The following RORC variants were observed in gnomAD, a reference collection of about 807,000 sequenced individuals.
The protein encoded by RORC is nuclear receptor ROR-gamma.
In RORC, 13 loss-of-function variants were observed where a neutral mutation model predicts 64.5. That is an observed-to-expected ratio of 0.20 (90% CI 0.13 to 0.32). The LOEUF is 0.32. Ranked by LOEUF, RORC falls within the 10% of genes least tolerant of loss-of-function variation. The pLI is 1.00. For missense variants in RORC, 468 were observed against 669.5 expected (o/e 0.70, Z 3.32); for synonymous variants, 277 against 259.3 (o/e 1.07, Z -0.65).
At chr1:151,819,338 G>A (rs963590210) in intron 2 of RORC, among the ~76,000 whole-genome samples, 2 of 152,170 alleles carry the variant, frequency 1.3e-5, no homozygotes, top group African/African-American at 4.8e-5. Context: ...AGAGAGTAAT[G>A]AAATGATATC....
chr1:151,809,150 A>G (rs552230487), intron 10 of RORC, among the ~76,000 whole-genome samples: 3 of 152,182 alleles, frequency 2.0e-5, no homozygotes, highest in Admixed American at 2.0e-4. Flanking sequence ...TGTAATCCCA[A>G]CACTTTGGGA....
intron 2 of RORC, among the ~76,000 whole-genome samples, chr1:151,828,852 G>A (rs573945686): frequency 3.1e-4 from 47 of 152,220 alleles, no homozygotes; most frequent in African/African-American, 1.1e-3. Flanking sequence ...GGTGGTGGGT[G>A]CCTGTAGTCC....
Position 151,814,767 on chromosome 1 carries a change from C to T in RORC, c.812-72G>A, listed in dbSNP as rs959535167. The T allele has an allele frequency of 6.4e-6, 10 of 1,565,610 alleles. No individual in the cohort carries two copies. In the African/African-American group the frequency reaches 1.3e-4, roughly 21 times the overall value. On this transcript the variant is annotated intron_variant, in intron 5 of 10. Coordinates refer to ENST00000318247, the MANE Select transcript of RORC (RefSeq NM_005060.4). ...CGCCTACCCATGCAAGGGCACTTCTCAGCCTGGCCTATCCTGCTCCGCCTC... is the reference window on the plus strand; with the variant it reads ...CGCCTACCCATGCAAGGGCACTTCTTAGCCTGGCCTATCCTGCTCCGCCTC...
chr1:151,816,789 C>T lies in RORC; in HGVS notation c.173G>A (p.Ser58Asn). ...GGAGTAGGCCGCGTTACAGCGCTGG[C>T]TCCGGCGGAAGAAGCCCTGGGGAAA... Reference protein sequence around the residue: ...CEGCKGFFRRSQRCNAAYSCT... With the variant: ...CEGCKGFFRRNQRCNAAYSCT... The change falls in exon 4 of 11, where the codon AGC becomes AAC. Residue 58 changes from serine (S) to asparagine (N), a missense_variant. Ser to Asn is a conservative substitution (Grantham distance 46, BLOSUM62 1). This residue lies in a region of RORC where 241 missense variants were observed against 295.5 expected (regional missense o/e 0.82). Transcript: ENST00000318247. 6.5e-7 allele frequency: 1 copy of T among 1,548,218 alleles called. No homozygotes were observed. Among genetic ancestry groups the T allele is most frequent in the Non-Finnish European group, 8.8e-7 (1 of 1,141,624 alleles).
chr1:151,825,827 C>T lies in RORC; in HGVS notation c.70+3602G>A, dbSNP rs925881610. The T allele has an allele frequency of 2.8e-6, 4 of 1,419,136 alleles. No homozygotes were observed. The African/African-American group carries it at 4.2e-5, about 15-fold the overall frequency. 87.9% of individuals were successfully genotyped at this position (1,419,136 alleles called of 1,614,324 possible). On this transcript the variant is annotated intron_variant, in intron 2 of 10. Coordinates refer to ENST00000318247, the MANE Select transcript of RORC (RefSeq NM_005060.4). ...TTGACCTTGACCAGGACGCACCCTG[C>T]TTTGCTCAGATTTGCTCACACTGTT...
Position 151,814,900 on chromosome 1 carries a change from CCCAGCTGCTCA to C in RORC, c.811+2_811+12del. The C allele has an allele frequency of 6.2e-7, 1 of 1,607,826 alleles. No homozygotes were observed. The highest frequency in any genetic ancestry group is 8.5e-7 in the Non-Finnish European group (1 of 1,175,844). On this transcript the variant is annotated splice_donor_variant and splice_donor_5th_base_variant and intron_variant, in intron 5 of 10. Coordinates refer to ENST00000318247, the MANE Select transcript of RORC (RefSeq NM_005060.4). LOFTEE classifies it high-confidence loss of function. The stretch of plus-strand genomic sequence containing the variant: ...TCATCTCTACCACCCTCTCCACCTC[CCCAGCTGCTCA>C]CCTATCTCTGTCAGGGAGGCATAGG...
At position 151,817,300 on chromosome 1, in the gene RORC, G is replaced by C. The variant is rs922987721; in HGVS notation, c.71-20C>G. On this transcript the variant is annotated intron_variant, in intron 2 of 10. Coordinates refer to ENST00000318247, the MANE Select transcript of RORC (RefSeq NM_005060.4). ...TTTGTGCTGGAAGAGAGAAAGAGAA[G>C]TAGGTCAGCCCAGGAGGCTTTTCTG... The C allele has an allele frequency of 1.3e-6, 2 of 1,593,112 alleles. No individual in the cohort carries two copies. Among genetic ancestry groups the C allele is most frequent in the Admixed American group, 1.7e-5 (1 of 59,980 alleles).
intron 10 of RORC, among the ~76,000 whole-genome samples, chr1:151,811,111 C>T (rs1353844150): frequency 6.6e-6 from 1 of 152,096 alleles, no homozygotes; most frequent in Non-Finnish European, 1.5e-5. Context: ...CCCTGGAGGT[C>T]CCTCCCAATC....
intron 2 of RORC, chr1:151,825,957 G>A (rs199545313): frequency 6.2e-7 from 1 of 1,613,112 alleles, no homozygotes; most frequent in African/African-American, 1.3e-5. Context: ...TGGCTCTGCC[G>A]GCCTTGGCTC....
intron 10 of RORC, among the ~76,000 whole-genome samples, chr1:151,809,709 T>C (rs1264313094): frequency 6.6e-6 from 1 of 152,242 alleles, no homozygotes; most frequent in African/African-American, 2.4e-5. Context: ...ATCCATCCTG[T>C]AGCAGATTAA....
chr1:151,826,855 C>A (rs1389869742), intron 2 of RORC, among the ~76,000 whole-genome samples: 1 of 152,196 alleles, frequency 6.6e-6, no homozygotes, highest in Non-Finnish European at 1.5e-5. Context: ...CAGTGGCTCA[C>A]GCCTGTAATC....
chr1:151,814,282 G>A, intron 6 of RORC: 3 of 325,054 alleles, frequency 9.2e-6, no homozygotes, highest in East Asian at 5.6e-5. Context: ...TATTGTTGAT[G>A]GAAGAGGAGG....
At chr1:151,826,334 G>C (rs1299738220) in intron 2 of RORC, among the ~76,000 whole-genome samples, 1 of 152,200 alleles carries the variant, frequency 6.6e-6, no homozygotes, top group Non-Finnish European at 1.5e-5. Flanking sequence ...TGGGGAGCCA[G>C]AATGGAGCTC....
At chr1:151,824,020 C>G (rs1442903217) in intron 2 of RORC, among the ~76,000 whole-genome samples, 2 of 152,202 alleles carry the variant, frequency 1.3e-5, no homozygotes, top group Non-Finnish European at 2.9e-5. Flanking sequence ...AGAAACTCGC[C>G]CTCTGAGTTG....
At chr1:151,813,805 G>A (rs3828058) in intron 6 of RORC, 185 bp from the exon 7 acceptor site, 208,783 of 631,676 alleles carry the variant, frequency 0.33, 36,832 homozygotes, top group South Asian at 0.38. Flanking sequence ...CCCACACACT[G>A]AGCACCTACC....
At chr1:151,811,611 G>C in intron 9 of RORC, 177 bp from the exon 10 acceptor site, 1 of 467,656 alleles carries the variant, frequency 2.1e-6, no homozygotes, top group Admixed American at 3.4e-5. Context: ...TTGGCTAGCT[G>C]TCTACAAGGA....
At chr1:151,814,807 C>G in intron 5 of RORC, 106 bp downstream of exon 5, 1 of 1,544,480 alleles carries the variant, frequency 6.5e-7, no homozygotes, top group Non-Finnish European at 8.8e-7. Context: ...CTCCGCCCCT[C>G]GTCTGGACCC....
intron 9 of RORC, chr1:151,812,069 G>T (rs1651555920): frequency 6.6e-6 from 1 of 152,164 alleles, no homozygotes; most frequent in Non-Finnish European, 1.5e-5. Flanking sequence ...CATGCCAGGG[G>T]AGTGGATAGG....
intron 4 of RORC, 58 bp from the exon 5 acceptor site, chr1:151,815,483 G>C: frequency 6.7e-7 from 1 of 1,498,008 alleles, no homozygotes; most frequent in Non-Finnish European, 8.9e-7. Flanking sequence ...CACAGGGCAG[G>C]GTCAGGAGGC....
Sources: gnomAD v4.1 joint callset for allele counts (sites outside exome capture counted in the v4.1 genomes callset) on GRCh38, gnomAD v4.1.1 for gene constraint, gnomAD v4.1.1 regional missense constraint, MANE v1.5 for transcripts, NCBI Gene and HGNC (gene_info 2026-07-23, HGNC 2026-07-21) for gene names.